The following CABLES1 variants were observed in gnomAD, a reference collection of about 807,000 sequenced individuals.
CABLES1 encodes the protein CDK5 and ABL1 enzyme substrate 1.
CABLES1 carries 36 observed loss-of-function variants against 57.8 expected under a neutral mutation model. That is an observed-to-expected ratio of 0.62 (90% confidence interval 0.48 to 0.82). CABLES1 has a LOEUF of 0.82. Ranked by LOEUF, CABLES1 falls within the 40% of genes least tolerant of loss-of-function variation. The probability of loss-of-function intolerance (pLI) is 0.00; values close to 1 mark genes in which losing one functional copy is unlikely to be tolerated. For synonymous variants in CABLES1, 374 were observed against 363.0 expected (o/e 1.03, Z -0.35); for missense variants, 767 against 836.6 (o/e 0.92, Z 1.03).
At chr18:23,143,767 C>T (rs1240339469) in intron 1 of CABLES1, among the ~76,000 whole-genome samples, 1 of 152,112 alleles carries the variant, frequency 6.6e-6, no homozygotes, top group Non-Finnish European at 1.5e-5. Context: ...CCTTGTTTCA[C>T]AGCCTGGATA....
At chr18:23,136,680 G>C (rs766820007) in intron 1 of CABLES1, 73 bp downstream of exon 1, 1 of 1,017,052 alleles carries the variant, frequency 9.8e-7, no homozygotes, top group Non-Finnish European at 1.3e-6. Context: ...CGCGGTCTCT[G>C]GGCTACGGGA....
At chr18:23,142,317 C>G (rs1465778768) in intron 1 of CABLES1, among the ~76,000 whole-genome samples, 7 of 152,174 alleles carry the variant, frequency 4.6e-5, no homozygotes, top group African/African-American at 1.7e-4. Flanking sequence ...CAGGCACGGG[C>G]AATATCGCAG....
At chr18:23,220,498 T>TG (rs754527336) in intron 4 of CABLES1, among the ~76,000 whole-genome samples, 71 of 152,272 alleles carry the variant, frequency 4.7e-4, no homozygotes, top group Non-Finnish European at 8.4e-4. Context: ...TCTGCCCTGT[T>TG]GTGTTTGCTG....
chr18:23,173,424 T>C (rs2047097888), intron 1 of CABLES1, among the ~76,000 whole-genome samples: 1 of 152,206 alleles, frequency 6.6e-6, no homozygotes. Flanking sequence ...CTCCAAAGCT[T>C]CAGTAAAAGG....
intron 2 of CABLES1, 74 bp downstream of exon 2, chr18:23,188,983 C>G: frequency 1.1e-6 from 1 of 952,232 alleles, no homozygotes; most frequent in East Asian, 2.5e-5. Flanking sequence ...GGTTTTTTAA[C>G]TTCTTGATCT....
chr18:23,135,968 T>C lies in CABLES1; in HGVS notation c.206T>C (p.Leu69Pro). The C allele has an allele frequency of 8.8e-7, 1 of 1,138,748 alleles. No homozygotes were observed. The allele number at this position is 1,138,748 out of a possible 1,614,324, so 70.5% of individuals were successfully genotyped here. A position where few individuals can be genotyped will look rare whatever the true frequency, so the allele number is the denominator to read the frequency against. Residue 69 changes from leucine (L) to proline (P), a missense_variant, in exon 1 of 10, where the codon CTC (leucine) becomes CCC (proline). Leu to Pro is a moderately conservative substitution (Grantham distance 98). This residue lies in a region of CABLES1 where 198 missense variants were observed against 149.7 expected (regional missense o/e 1.32). Coordinates refer to ENST00000256925, the MANE Select transcript of CABLES1 (RefSeq NM_001100619.3). ...PRRRQAALSF[L>P]TNISLDGRLP... ...CGCCGCCAGGCTGCCCTCTCCTTCC[T>C]CACCAACATCTCGCTGGACGGCCGG...
chr18:23,148,082 T>C (rs370620902), intron 1 of CABLES1, among the ~76,000 whole-genome samples: 9 of 143,130 alleles, frequency 6.3e-5, no homozygotes, highest in Admixed American at 2.3e-4. Flanking sequence ...CTCCGCCTCC[T>C]GGATTCACGC....
intron 1 of CABLES1, among the ~76,000 whole-genome samples, chr18:23,182,784 G>C (rs2047176445): frequency 6.6e-6 from 1 of 152,218 alleles, no homozygotes; most frequent in Non-Finnish European, 1.5e-5. Context: ...TGCTGCCCCA[G>C]GTGACTGCAT....
chr18:23,140,627 G>A (rs2046852066), intron 1 of CABLES1, among the ~76,000 whole-genome samples: 1 of 152,060 alleles, frequency 6.6e-6, no homozygotes, highest in Non-Finnish European at 1.5e-5. Context: ...TAGTAGAGAT[G>A]AGGGTTCGCC....
chr18:23,213,840 A>G (rs1038245031), intron 3 of CABLES1, 137 bp from the exon 4 acceptor site: 3 of 599,144 alleles, frequency 5.0e-6, no homozygotes, highest in East Asian at 2.9e-5. Context: ...GCAGAATACC[A>G]TCTGCCAGAG....
rs34013091 is a variant in CABLES1 at position 23,243,872 on chromosome 18, C to CAAA, written c.1446+6643_1446+6645dup. On this transcript the variant is annotated intron_variant, in intron 7 of 9. Coordinates refer to ENST00000256925, the MANE Select transcript of CABLES1 (RefSeq NM_001100619.3). ...GGGCGATAAGACCAAGACTCCGTTTCAAAAAAAAAAAAAAAAAACTAATAC... is the reference window on the plus strand; with the variant it reads ...GGGCGATAAGACCAAGACTCCGTTTCAAAAAAAAAAAAAAAAAAAAACTAATAC... Among the ~76,000 whole-genome samples, 895 of 109,878 alleles carry CAAA rather than the reference C, an allele frequency of 8.1e-3. 7 individuals are homozygous for CAAA. Among genetic ancestry groups the CAAA allele is most frequent in the African/African-American group, 0.023 (772 of 33,778 alleles). The allele number at this position is 109,878 out of a possible 152,430, so 72.1% of individuals were successfully genotyped here.
chr18:23,202,952 A>C (rs2145038223), intron 3 of CABLES1, among the ~76,000 whole-genome samples: 2 of 146,860 alleles, frequency 1.4e-5, no homozygotes, highest in Middle Eastern at 3.5e-3. Flanking sequence ...GCACCTCTGC[A>C]CTCCAGCCTG....
chr18:23,256,474 G>C (rs958151184), intron 9 of CABLES1, among the ~76,000 whole-genome samples: 2 of 152,140 alleles, frequency 1.3e-5, no homozygotes, highest in Non-Finnish European at 2.9e-5. Flanking sequence ...TGCGTGGTTT[G>C]CTTTATTATT....
chr18:23,173,510 TA>T (rs2047098432), intron 1 of CABLES1, among the ~76,000 whole-genome samples: 2 of 152,382 alleles, frequency 1.3e-5, no homozygotes, highest in South Asian at 2.1e-4. Context: ...TTAGCAGGTC[TA>T]AAAACAGTTC....
At chr18:23,140,736 C>T (rs917736861) in intron 1 of CABLES1, among the ~76,000 whole-genome samples, 6 of 152,174 alleles carry the variant, frequency 3.9e-5, no homozygotes, top group Non-Finnish European at 8.8e-5. Context: ...CCGCGCCCCA[C>T]CCAGGGTACT....
At chr18:23,148,604 G>T (rs1853973340) in intron 1 of CABLES1, among the ~76,000 whole-genome samples, 1 of 152,222 alleles carries the variant, frequency 6.6e-6, no homozygotes, top group Admixed American at 6.5e-5. Context: ...CATTCCAGAA[G>T]AGGACAGCCC....
chr18:23,157,263 T>G (rs2046971840), intron 1 of CABLES1, among the ~76,000 whole-genome samples: 1 of 152,184 alleles, frequency 6.6e-6, no homozygotes, highest in South Asian at 2.1e-4. Context: ...AAAAATAATT[T>G]AGCAGGTCGG....
chr18:23,246,494 C>T (rs915294573), intron 7 of CABLES1, among the ~76,000 whole-genome samples: 1 of 152,002 alleles, frequency 6.6e-6, no homozygotes, highest in East Asian at 1.9e-4. Flanking sequence ...CGGGTTCACG[C>T]CATTCTCCTG....
At position 23,258,987 on chromosome 18, in the gene CABLES1, G is replaced by A. The variant is rs2145152201; in HGVS notation, c.*1620G>A. On this transcript the variant is annotated 3_prime_UTR_variant, in exon 10 of 10. Coordinates refer to ENST00000256925, the MANE Select transcript of CABLES1 (RefSeq NM_001100619.3). ...TGGCCAGAATCAGTTGTAAGACAGT[G>A]ATTTGGGTGGTGGGGGGAGGGAGGA... 1 of 144,738 alleles carries A rather than the reference G, an allele frequency of 6.9e-6. No individual in the cohort carries two copies. The highest frequency in any genetic ancestry group is 2.3e-4 in the South Asian group (1 of 4,378). The allele number at this position is 144,738 out of a possible 1,614,324, so 9.0% of individuals were successfully genotyped here. A position where few individuals can be genotyped will look rare whatever the true frequency, so the allele number is the denominator to read the frequency against.
Sources: allele counts gnomAD v4.1 joint callset (sites outside exome capture counted in the v4.1 genomes callset), GRCh38; gene constraint gnomAD v4.1.1; regional missense constraint gnomAD v4.1.1; transcripts MANE v1.5; gene names NCBI Gene and HGNC (gene_info 2026-07-23, HGNC 2026-07-21).